The following DNAH14 variants were observed in gnomAD, a reference collection of about 807,000 sequenced individuals.
DNAH14 encodes the protein axonemal beta dynein heavy chain 14.
A neutral mutation model predicts 520.9 loss-of-function variants in DNAH14; 478 were observed. The observed-to-expected ratio is 0.92, with a 90% CI of 0.85 to 0.99. The LOEUF is 0.99. Among genes scored for constraint, DNAH14 ranks in the 50% least tolerant of loss-of-function variants. The pLI is 0.00. For synonymous variants in DNAH14, 1,581 were observed against 1,757.2 expected (o/e 0.90, Z 2.51); for missense variants, 4,831 against 5,234.5 (o/e 0.92, Z 2.38).
intron 19 of DNAH14, 120 bp downstream of exon 19, chr1:225,080,868 G>C: frequency 9.5e-7 from 1 of 1,052,806 alleles, no homozygotes. Flanking sequence ...ATTATGGCTA[G>C]AGCTACAATA....
chr1:225,045,089 A>C (rs1244442027), intron 15 of DNAH14, among the ~76,000 whole-genome samples: 1 of 152,074 alleles, frequency 6.6e-6, no homozygotes. Flanking sequence ...ATATAATTCT[A>C]TGTTGATCTT....
In DNAH14 at chr1:225,080,412, C is replaced by CAA; in HGVS notation, c.2801_2802dup (p.Val935LysfsTer8). On this transcript the variant is annotated frameshift_variant, in exon 19 of 86. Transcript: ENST00000682510. LOFTEE classifies it high-confidence loss of function. ...TCCTCTTCTGTTATGTGCTGGTACTCAAGTGTCAACAGCAATGGAAATGAT... is the reference window on the plus strand; with the variant it reads ...TCCTCTTCTGTTATGTGCTGGTACTCAAAAGTGTCAACAGCAATGGAAATGAT... 1.3e-6 allele frequency: 2 copies of CAA among 1,548,246 alleles called. No homozygotes were observed. Among genetic ancestry groups the CAA allele is most frequent in the Non-Finnish European group, 1.7e-6 (2 of 1,145,428 alleles).
chr1:225,107,112 G>A (rs1412202418), intron 23 of DNAH14, among the ~76,000 whole-genome samples: 1 of 152,206 alleles, frequency 6.6e-6, no homozygotes, highest in Admixed American at 6.5e-5. Flanking sequence ...ACCCTCAGCT[G>A]CAGGTCTGTT....
rs1381545805 is a variant in DNAH14, at chr1:225,140,818, T to C, written c.4305T>C (p.Tyr1435=). 4 of 1,550,840 alleles carry C rather than the reference T, an allele frequency of 2.6e-6. No individual in the cohort carries two copies. Among genetic ancestry groups the C allele is most frequent in the Admixed American group, 2.0e-5 (1 of 50,992 alleles). Residue 1435 remains tyrosine, a synonymous_variant, in exon 28 of 86, where the codon TAT becomes TAC. Coordinates refer to ENST00000682510, the MANE Select transcript of DNAH14 (RefSeq NM_001367479.1). ...GTGTTAAAAGTTTTGTGAGTTCTTA[T>C]TCAAGAGAAAAATTGGAAAAAGTCC... ...NDCVKSFVSS[Y]SREKLEKVHA...
In DNAH14 at chr1:225,301,951, C is replaced by G. The variant is rs2150072894; in HGVS notation, c.8631+921C>G. 1.3e-5 allele frequency among the ~76,000 whole-genome samples: 2 copies of G among 151,466 alleles called. 1 individual carries two copies. Among genetic ancestry groups the G allele is most frequent in the South Asian group, 4.2e-4 (2 of 4,784 alleles). On this transcript the variant is annotated intron_variant, in intron 56 of 85. Coordinates refer to ENST00000682510, the MANE Select transcript of DNAH14 (RefSeq NM_001367479.1). ...CCTGACAATTGTGGCACTCTTGTGC[C>G]TTGTTACTATATTTGGTTTATTCAT... is the stretch of plus-strand genomic sequence containing the variant.
In DNAH14 at chr1:225,038,846, T is replaced by C. The variant is rs990706551; in HGVS notation, c.1488+23T>C. Reference sequence around the variant, plus strand: ...GAGGTAAAATGATCTTTGAAAAATATAAACATAGATTTTTTGCTATAAAAT... The same window carrying C: ...GAGGTAAAATGATCTTTGAAAAATACAAACATAGATTTTTTGCTATAAAAT... On this transcript the variant is annotated intron_variant, in intron 12 of 85. Transcript: ENST00000682510. 1.0e-5 allele frequency: 15 copies of C among 1,448,782 alleles called. No individual in the cohort carries two copies. In the Admixed American group the frequency reaches 4.1e-4, roughly 40 times the overall value. 89.7% of individuals were successfully genotyped at this position (1,448,782 alleles called of 1,614,324 possible).
chr1:225,079,096 A>T, intron 17 of DNAH14, 111 bp from the exon 18 acceptor site: 2 of 998,492 alleles, frequency 2.0e-6, no homozygotes, highest in Non-Finnish European at 3.0e-6. Context: ...ATGATGTTTT[A>T]ATTATTTTCT....
At chr1:225,081,128 G>T (rs1429691318) in intron 19 of DNAH14, among the ~76,000 whole-genome samples, 1 of 152,136 alleles carries the variant, frequency 6.6e-6, no homozygotes, top group African/African-American at 2.4e-5. Context: ...GTAATTTTTA[G>T]AGGTTTATTT....
chr1:225,129,140 A>G (rs2148936976), intron 27 of DNAH14, among the ~76,000 whole-genome samples: 1 of 152,056 alleles, frequency 6.6e-6, no homozygotes, highest in East Asian at 1.9e-4. Context: ...AAGGAGAACT[A>G]CAAACCACTG....
chr1:225,082,171 G>GGGGTGTGTGTGTGTGTGTGT (rs1553434190), intron 19 of DNAH14, among the ~76,000 whole-genome samples: 49 of 145,212 alleles, frequency 3.4e-4, no homozygotes, highest in Admixed American at 3.0e-3. Flanking sequence ...GAATGTTTGT[G>GGGGTGTGTGTGTGTGTGTGT]GTGTGTGTGT....
Position 225,346,354 on chromosome 1 carries a change from G to T in DNAH14, c.11071G>T (p.Asp3691Tyr). ...AGATAAGCATATTAAAAGTGCAATAGACATGTTGACAAAAAGTATTTTTAA... is the reference window on the plus strand; with the variant it reads ...AGATAAGCATATTAAAAGTGCAATATACATGTTGACAAAAAGTATTTTTAA... ...LLDKHIKSAI[D>Y]MLTKSIFKVV... Residue 3691 changes from aspartate to tyrosine, a missense_variant, in exon 70 of 86, where the codon GAC (aspartate) becomes TAC (tyrosine). Asp to Tyr is a radical substitution (Grantham distance 160, BLOSUM62 -3). Coordinates refer to ENST00000682510, the MANE Select transcript of DNAH14 (RefSeq NM_001367479.1). The T allele has an allele frequency of 1.3e-6, 2 of 1,525,866 alleles. No individual in the cohort carries two copies. Among genetic ancestry groups the T allele is most frequent in the Non-Finnish European group, 1.8e-6 (2 of 1,138,958 alleles). The allele number at this position is 1,525,866 out of a possible 1,614,324, so 94.5% of individuals were successfully genotyped here.
rs1005824090 is a variant in DNAH14 at position 225,044,103 on chromosome 1, T to A, written c.1912+120T>A. ...GATGTTACAGAATATTAGTATATCA[T>A]AAATGCACAGTCCTTGGGATCAAAC... On this transcript the variant is annotated intron_variant, in intron 15 of 85. Transcript: ENST00000682510. The A allele has an allele frequency of 2.7e-5, 16 of 593,822 alleles. No homozygotes were observed. The African/African-American group carries it at 2.8e-4, about 10-fold the overall frequency. 36.8% of individuals were successfully genotyped at this position (593,822 alleles called of 1,614,324 possible).
chr1:225,034,515 T>TTGTGTGTGTG (rs71170047), intron 11 of DNAH14, among the ~76,000 whole-genome samples: 1,841 of 147,772 alleles, frequency 0.012, 49 homozygotes, highest in African/African-American at 0.041. Flanking sequence ...TGGCTTGAAT[T>TTGTGTGTGTG]TGTGTGTGTG....
At chr1:225,375,891 A>G (rs2095692360) in intron 78 of DNAH14, among the ~76,000 whole-genome samples, 1 of 152,068 alleles carries the variant, frequency 6.6e-6, no homozygotes, top group Non-Finnish European at 1.5e-5. Flanking sequence ...GTTGGAGAGC[A>G]GCCTGGCCAA....
chr1:225,144,289 G>C, intron 28 of DNAH14, 108 bp from the exon 29 acceptor site: 1 of 846,458 alleles, frequency 1.2e-6, no homozygotes, highest in Non-Finnish European at 1.8e-6. Context: ...ACTTCTATTT[G>C]TTTTTTTAAT....
Position 225,381,465 on chromosome 1 carries a change from A to G in DNAH14, c.12963A>G (p.Ile4321Met). 3 of 1,550,588 alleles carry G rather than the reference A, an allele frequency of 1.9e-6. No individual in the cohort carries two copies. Among genetic ancestry groups the G allele is most frequent in the Non-Finnish European group, 2.6e-6 (3 of 1,146,654 alleles). Residue 4321 changes from isoleucine to methionine, a missense_variant, in exon 81 of 86, where the codon ATA (isoleucine) becomes ATG (methionine). By Grantham distance (10) the Ile-to-Met change is conservative. Coordinates refer to ENST00000682510, the MANE Select transcript of DNAH14 (RefSeq NM_001367479.1). ...GATTTGATAAGTTATTATTTGTCAT[A>G]CATAAATCCTTAAAAGATCTTCAGC... ...IKRFDKLLFV[I>M]HKSLKDLQLA...
rs564738649 is a variant in DNAH14 at position 225,022,295 on chromosome 1, A to G, written c.1108-1320A>G. 6.6e-5 allele frequency among the ~76,000 whole-genome samples: 10 copies of G among 152,314 alleles called. No individual in the cohort carries two copies. The East Asian group carries it at 1.9e-3, about 29-fold the overall frequency. ...GGGCTTCTGCATGGCAAGCAAAATT[A>G]TCAACAGAGTAAACAGACAACTTAC... On this transcript the variant is annotated intron_variant, in intron 10 of 85. Coordinates refer to ENST00000682510, the MANE Select transcript of DNAH14 (RefSeq NM_001367479.1).
At chr1:225,099,553 C>T (rs796208394) in intron 22 of DNAH14, among the ~76,000 whole-genome samples, 3 of 152,200 alleles carry the variant, frequency 2.0e-5, no homozygotes, top group African/African-American at 7.2e-5. Context: ...CCCCAGCCCC[C>T]ACACCAACCA....
chr1:225,386,852 T>A (rs1009140239), intron 81 of DNAH14, among the ~76,000 whole-genome samples: 7 of 152,238 alleles, frequency 4.6e-5, no homozygotes, highest in African/African-American at 1.7e-4. Flanking sequence ...GAACTAGAAA[T>A]ACCATTTGAC....
Sources: allele counts gnomAD v4.1 joint callset (sites outside exome capture counted in the v4.1 genomes callset), GRCh38; gene constraint gnomAD v4.1.1; transcripts MANE v1.5; gene names NCBI Gene and HGNC (gene_info 2026-07-23, HGNC 2026-07-21).